SCUBE1: variants seen among roughly 807,000 people sequenced by gnomAD.
SCUBE1 encodes signal peptide, CUB and EGF-like domain-containing protein 1.
A neutral mutation model predicts 124.4 loss-of-function variants in SCUBE1; 59 were observed. The ratio of observed to expected loss-of-function variants is 0.47; its 90% CI spans 0.38 to 0.59. SCUBE1 has a LOEUF of 0.59. SCUBE1 is among the 20% of genes least tolerant of loss of function. SCUBE1 has a pLI of 0.00. For missense variants in SCUBE1, 1,150 were observed against 1,371.2 expected (o/e 0.84, Z 2.55); for synonymous variants, 545 against 550.9 (o/e 0.99, Z 0.15).
At chr22:43,324,672 T>C (rs1297861718) in intron 2 of SCUBE1, among the ~76,000 whole-genome samples, 1 of 151,910 alleles carries the variant, frequency 6.6e-6, no homozygotes, top group African/African-American at 2.4e-5. Context: ...TCGCCGCCCC[T>C]GGAAGAGGCA....
chr22:43,324,171 T>G (rs1198134927), intron 2 of SCUBE1, among the ~76,000 whole-genome samples: 1 of 152,334 alleles, frequency 6.6e-6, no homozygotes, highest in East Asian at 1.9e-4. Flanking sequence ...GCGTAATTAT[T>G]AACAGCAGTT....
At chr22:43,257,312 T>TA (rs201943369) in intron 6 of SCUBE1, among the ~76,000 whole-genome samples, 9 of 150,622 alleles carry the variant, frequency 6.0e-5, no homozygotes, top group East Asian at 1.9e-4. Flanking sequence ...AAATGGGGCT[T>TA]AAAAAAAAAA....
chr22:43,290,397 A>T (rs1925313525), intron 4 of SCUBE1, among the ~76,000 whole-genome samples: 1 of 152,188 alleles, frequency 6.6e-6, no homozygotes, highest in Non-Finnish European at 1.5e-5. Context: ...CCCTGAGCCG[A>T]AACTCCAGGA....
intron 5 of SCUBE1, 117 bp downstream of exon 5, chr22:43,262,603 C>T (rs1923912602): frequency 3.3e-6 from 4 of 1,228,546 alleles, no homozygotes; most frequent in South Asian, 2.7e-5. Context: ...CCCTTCTCTC[C>T]ACCCCATGGG....
intron 4 of SCUBE1, among the ~76,000 whole-genome samples, chr22:43,266,218 C>G (rs1039162982): frequency 6.6e-6 from 1 of 152,196 alleles, no homozygotes. Context: ...GAGCCAGGCT[C>G]ACCCGCTGCA....
chr22:43,211,520 CTTT>C lies in SCUBE1; in HGVS notation c.2222-440_2222-438del, dbSNP rs35852531. Among the ~76,000 whole-genome samples the C allele has an allele frequency of 2.9e-5, 4 of 136,982 alleles. No individual in the cohort carries two copies. The highest frequency in any genetic ancestry group is 1.6e-5 in the Non-Finnish European group (1 of 63,384). 89.9% of individuals were successfully genotyped at this position (136,982 alleles called of 152,430 possible). A position where few individuals can be genotyped will look rare whatever the true frequency, so the allele number is the denominator to read the frequency against. ...GGCGGGGGGCTAGAGATGGGCAATT[CTTT>C]TTTTTTTTTTTTGAGATGGAGCTCG... On this transcript the variant is annotated intron_variant, in intron 17 of 21. Transcript: ENST00000360835. The surrounding 1 kb of genome is among the most constrained non-coding windows in gnomAD (Gnocchi z 4.5).
At position 43,210,314 on chromosome 22, in the gene SCUBE1, AC is replaced by A. The variant is rs1261735203; in HGVS notation, c.2384-75del. On this transcript the variant is annotated intron_variant, in intron 18 of 21. Transcript: ENST00000360835. The surrounding 1 kb of genome is among the most constrained non-coding windows in gnomAD (Gnocchi z 4.5). ...GCCCTGGCCGGCCAGGCCTCTAACC[AC>A]CTGGGAGGCCTAGGGCAGGGCTGGA... The A allele has an allele frequency of 3.5e-5, 46 of 1,317,506 alleles. No individual in the cohort carries two copies. Among genetic ancestry groups the A allele is most frequent in the Non-Finnish European group, 9.1e-6 (9 of 990,068 alleles). The allele number at this position is 1,317,506 out of a possible 1,614,324, so 81.6% of individuals were successfully genotyped here.
Position 43,203,706 on chromosome 22 carries a change from T to A in SCUBE1, c.*291A>T. ...AAACGCCAGGCCAGGCAGAGGGTCC[T>A]GCAATCCTGCTACCTGCAGTCGGTC... is the stretch of plus-strand genomic sequence containing the variant. On this transcript the variant is annotated 3_prime_UTR_variant, in exon 22 of 22. Transcript: ENST00000360835. The A allele has an allele frequency of 2.9e-6, 1 of 342,172 alleles. No individual in the cohort carries two copies. 21.2% of individuals were successfully genotyped at this position (342,172 alleles called of 1,614,324 possible). A position where few individuals can be genotyped will look rare whatever the true frequency, so the allele number is the denominator to read the frequency against.
At chr22:43,301,828 C>T (rs1012466852) in intron 3 of SCUBE1, among the ~76,000 whole-genome samples, 11 of 152,242 alleles carry the variant, frequency 7.2e-5, no homozygotes, top group African/African-American at 2.7e-4. Flanking sequence ...ACGGACTGAG[C>T]ACTTCCAAAA....
chr22:43,222,570 G>A (rs1367199475), intron 12 of SCUBE1, 68 bp downstream of exon 12: 20 of 1,239,242 alleles, frequency 1.6e-5, no homozygotes, highest in African/African-American at 1.2e-4. Context: ...TTCCTCCCCC[G>A]CCAGCATGTT....
intron 4 of SCUBE1, among the ~76,000 whole-genome samples, chr22:43,265,774 C>T (rs1343197552): frequency 6.6e-6 from 1 of 152,224 alleles, no homozygotes; most frequent in Non-Finnish European, 1.5e-5. Flanking sequence ...TTTACATTTA[C>T]TTATTAACTT....
chr22:43,329,226 T>C (rs1043158624), intron 2 of SCUBE1, among the ~76,000 whole-genome samples: 9 of 152,342 alleles, frequency 5.9e-5, no homozygotes, highest in Admixed American at 3.9e-4. Context: ...TGCTCCTGCC[T>C]ACAGACTGGC....
Position 43,258,385 on chromosome 22 carries a change from ACGGTTAGTTTGC to A in SCUBE1, c.611-62_611-51del. 7.1e-7 allele frequency: 1 copy of A among 1,403,986 alleles called. No individual in the cohort carries two copies. Among genetic ancestry groups the A allele is most frequent in the Non-Finnish European group, 1.0e-6 (1 of 988,714 alleles). The allele number at this position is 1,403,986 out of a possible 1,614,324, so 87.0% of individuals were successfully genotyped here. On this transcript the variant is annotated intron_variant, in intron 5 of 21. Coordinates refer to ENST00000360835, the MANE Select transcript of SCUBE1 (RefSeq NM_173050.5). The surrounding 1 kb of genome is among the most constrained non-coding windows in gnomAD (Gnocchi z 5.0). ...CGGGTGTATAAACAGAACAACAAAA[ACGGTTAGTTTGC>A]CGGTGTTGGCGGCTGCCTTCAGGGT...
intron 4 of SCUBE1, among the ~76,000 whole-genome samples, chr22:43,268,470 T>G (rs1344741520): frequency 6.6e-6 from 1 of 152,248 alleles, no homozygotes; most frequent in Non-Finnish European, 1.5e-5. Flanking sequence ...GAATCTAATC[T>G]GATCCAACCA....
At chr22:43,248,122 G>A (rs1923290819) in intron 6 of SCUBE1, among the ~76,000 whole-genome samples, 1 of 152,242 alleles carries the variant, frequency 6.6e-6, no homozygotes, top group African/African-American at 2.4e-5. Flanking sequence ...CAGAATCTAG[G>A]AGAGAGGAAA....
Position 43,212,826 on chromosome 22 carries a change from C to A in SCUBE1, c.2054-234G>T, listed in dbSNP as rs1601798143. 1.8e-5 allele frequency: 10 copies of A among 556,608 alleles called. No individual in the cohort carries two copies. In the East Asian group the frequency reaches 3.2e-4, roughly 18 times the overall value. The allele number at this position is 556,608 out of a possible 1,614,324, so 34.5% of individuals were successfully genotyped here. A position where few individuals can be genotyped will look rare whatever the true frequency, so the allele number is the denominator to read the frequency against. ...GCGGCCTTGGTCAAGCCTGGCTCTCCTTCTCCCACCAGCAAGAAGGCCTGG... is the reference window on the plus strand; with the variant it reads ...GCGGCCTTGGTCAAGCCTGGCTCTCATTCTCCCACCAGCAAGAAGGCCTGG... On this transcript the variant is annotated intron_variant, in intron 16 of 21. Coordinates refer to ENST00000360835, the MANE Select transcript of SCUBE1 (RefSeq NM_173050.5).
chr22:43,225,730 G>A (rs1206987729), intron 10 of SCUBE1, among the ~76,000 whole-genome samples: 1 of 152,008 alleles, frequency 6.6e-6, no homozygotes, highest in Non-Finnish European at 1.5e-5. Context: ...AACTAAATGT[G>A]TCAGCCTCTT....
intron 4 of SCUBE1, among the ~76,000 whole-genome samples, chr22:43,276,687 A>C (rs970678154): frequency 6.6e-6 from 1 of 152,184 alleles, no homozygotes; most frequent in African/African-American, 2.4e-5. Context: ...TGTGCCCACA[A>C]ACCCCAGGTG....
chr22:43,301,768 G>C (rs1431047403), intron 3 of SCUBE1, among the ~76,000 whole-genome samples: 1 of 152,228 alleles, frequency 6.6e-6, no homozygotes, highest in Non-Finnish European at 1.5e-5. Context: ...CAGTATCCCA[G>C]GGTTTTGAAC....
Sources: gnomAD v4.1 joint callset for allele counts (sites outside exome capture counted in the v4.1 genomes callset) on GRCh38, gnomAD v4.1.1 for gene constraint, Gnocchi (gnomAD v3.1) non-coding constraint, MANE v1.5 for transcripts, NCBI Gene and HGNC (gene_info 2026-07-23, HGNC 2026-07-21) for gene names.